Variants in NR2E3 observed in about 807,000 individuals in gnomAD.
NR2E3 encodes the protein nuclear receptor subfamily 2 group E member 3.
NR2E3 carries 38 observed loss-of-function variants against 37.6 expected under a neutral mutation model. The observed-to-expected ratio is 1.01, with a 90% CI of 0.78 to 1.33. The LOEUF is 1.33. Among genes scored for constraint, NR2E3 ranks in the 40% most tolerant of loss-of-function variants. NR2E3 has a pLI of 0.00. For synonymous variants in NR2E3, 235 were observed against 225.1 expected (o/e 1.04, Z -0.39); for missense variants, 562 against 558.7 (o/e 1.01, Z -0.06).
Position 71,811,894 on chromosome 15 carries a change from G to T in NR2E3, c.349+25G>T. ...GGTGAGGCGGGGGCTGGCCCGGGGG[G>T]AGGTGACAAGAAATGGGCAGCGGGA... On this transcript the variant is annotated intron_variant, in intron 3 of 7. Coordinates refer to ENST00000617575, the MANE Select transcript of NR2E3 (RefSeq NM_014249.4). This position sits in a 1 kb window ranked among gnomAD's most constrained non-coding sequence, Gnocchi z 5.6. The T allele has an allele frequency of 6.5e-7, 1 of 1,550,148 alleles. No homozygotes were observed. Among genetic ancestry groups the T allele is most frequent in the Non-Finnish European group, 8.7e-7 (1 of 1,146,514 alleles).
chr15:71,813,330 C>G lies in NR2E3; in HGVS notation c.748-59C>G. ...GGTGCCTGAGATGGTGGCAGAGGCT[C>G]CAGACTGAGCCAGAGAAGCTGTGTG... On this transcript the variant is annotated intron_variant, in intron 5 of 7. Coordinates refer to ENST00000617575, the MANE Select transcript of NR2E3 (RefSeq NM_014249.4). The surrounding 1 kb of genome is among the most constrained non-coding windows in gnomAD (Gnocchi z 4.7). 3 of 1,577,546 alleles carry G rather than the reference C, an allele frequency of 1.9e-6. No individual in the cohort carries two copies. The highest frequency in any genetic ancestry group is 2.6e-6 in the Non-Finnish European group (3 of 1,163,222).
Position 71,810,728 on chromosome 15 carries a change from G to A in NR2E3, c.-16G>A, listed in dbSNP as rs369493844. On this transcript the variant is annotated 5_prime_UTR_variant, in exon 1 of 8. Coordinates refer to ENST00000617575, the MANE Select transcript of NR2E3 (RefSeq NM_014249.4). ...CCCAGGCCTCCCGCAGGCAGGCAGA[G>A]GCTGCCCTGTAACCCATGGAGACCA... 2.4e-5 allele frequency: 38 copies of A among 1,557,984 alleles called. No homozygotes were observed. Among genetic ancestry groups the A allele is most frequent in the Admixed American group, 7.7e-5 (4 of 51,716 alleles).
In NR2E3 at chr15:71,813,288, A is replaced by G; in HGVS notation, c.748-101A>G. ...GGAGAGCATTCTCGGGTCCCAGGACAGCACTTCCATTCCTTGGGTGCCTGA... is the reference window on the plus strand; with the variant it reads ...GGAGAGCATTCTCGGGTCCCAGGACGGCACTTCCATTCCTTGGGTGCCTGA... On this transcript the variant is annotated intron_variant, in intron 5 of 7. Transcript: ENST00000617575. The surrounding 1 kb of genome is among the most constrained non-coding windows in gnomAD (Gnocchi z 4.7). 3 of 1,490,686 alleles carry G rather than the reference A, an allele frequency of 2.0e-6. No individual in the cohort carries two copies. Among genetic ancestry groups the G allele is most frequent in the South Asian group, 2.5e-5 (2 of 81,538 alleles). The allele number at this position is 1,490,686 out of a possible 1,614,324, so 92.3% of individuals were successfully genotyped here. A position where few individuals can be genotyped will look rare whatever the true frequency, so the allele number is the denominator to read the frequency against.
At chr15:71,816,461 C>A (rs187541337) in intron 7 of NR2E3, among the ~76,000 whole-genome samples, 2 of 151,964 alleles carry the variant, frequency 1.3e-5, no homozygotes, top group Non-Finnish European at 2.9e-5. Flanking sequence ...GGGGTTTCAC[C>A]GCATTAGCCA....
chr15:71,812,403 C>T lies in NR2E3; in HGVS notation c.639C>T (p.Ser213=), dbSNP rs2140290007. 1.2e-6 allele frequency: 2 copies of T among 1,614,016 alleles called. No homozygotes were observed. The highest frequency in any genetic ancestry group is 1.7e-6 in the Non-Finnish European group (2 of 1,179,886). The change falls in exon 5 of 8, where the codon TCC becomes TCT. Residue 213 remains serine, a synonymous_variant. Coordinates refer to ENST00000617575, the MANE Select transcript of NR2E3 (RefSeq NM_014249.4). The stretch of plus-strand genomic sequence containing the variant: ...CCTCCTCTCCATACTCCTCTTCCTC[C>T]CCCTGCGGCCTGGACAGCATCCATG... ...EFPSSPYSSS[S]PCGLDSIHET... is the part of the protein sequence containing the mutation.
At position 71,812,118 on chromosome 15, in the gene NR2E3, C is replaced by G; in HGVS notation, c.513C>G (p.His171Gln). The change falls in exon 4 of 8, where the codon CAC (histidine) becomes CAG (glutamine). Residue 171 changes from histidine to glutamine, a missense_variant. By Grantham distance (24) the His-to-Gln change is conservative. Coordinates refer to ENST00000617575, the MANE Select transcript of NR2E3 (RefSeq NM_014249.4). ...TGTCTGCAGCCAGAGCCCTGGGCCACCACTTCATGGCCAGCCTTATAACAG... is the reference window on the plus strand; with the variant it reads ...TGTCTGCAGCCAGAGCCCTGGGCCAGCACTTCATGGCCAGCCTTATAACAG... ...TPMSAARALG[H>Q]HFMASLITAE... 3 of 1,558,994 alleles carry G rather than the reference C, an allele frequency of 1.9e-6. No individual in the cohort carries two copies. Among genetic ancestry groups the G allele is most frequent in the South Asian group, 2.4e-5 (2 of 84,776 alleles).
chr15:71,811,745 G>C lies in NR2E3; in HGVS notation c.246-21G>C. ...GGCATGGGAGGGACACTGACCCCTG[G>C]GGTCTCCTCTTCACCTGCAGGTGCC... On this transcript the variant is annotated intron_variant, in intron 2 of 7. Transcript: ENST00000617575. The surrounding 1 kb of genome is among the most constrained non-coding windows in gnomAD (Gnocchi z 5.6). 1 of 1,549,538 alleles carries C rather than the reference G, an allele frequency of 6.5e-7. No homozygotes were observed. The highest frequency in any genetic ancestry group is 1.4e-5 in the African/African-American group (1 of 73,108).
In NR2E3 at chr15:71,812,788, T is replaced by G. The variant is rs543880992; in HGVS notation, c.747+277T>G. ...CTAGGGACCTACAGGGCCCAGGGTC[T>G]TCTTAAGTTCTGGAAGACCCTCAGG... On this transcript the variant is annotated intron_variant, in intron 5 of 7. Coordinates refer to ENST00000617575, the MANE Select transcript of NR2E3 (RefSeq NM_014249.4). Among the ~76,000 whole-genome samples the G allele has an allele frequency of 2.6e-5, 4 of 152,264 alleles. No individual in the cohort carries two copies. In the South Asian group the frequency reaches 8.3e-4, roughly 32 times the overall value.
intron 7 of NR2E3, among the ~76,000 whole-genome samples, chr15:71,815,119 G>A (rs576730314): frequency 4.9e-4 from 74 of 152,262 alleles, no homozygotes; most frequent in African/African-American, 1.7e-3. Context: ...GGCAGGAGCC[G>A]GTGCTCTGGG....
At chr15:71,812,235 C>T (rs1395079409) in intron 4 of NR2E3, 59 bp downstream of exon 4, 2 of 1,606,384 alleles carry the variant, frequency 1.2e-6, no homozygotes, top group African/African-American at 2.7e-5. Flanking sequence ...CACAGCAGGG[C>T]TGCAGCGCCT....
intron 7 of NR2E3, among the ~76,000 whole-genome samples, chr15:71,816,039 T>C (rs145236997): frequency 2.0e-5 from 3 of 152,096 alleles, no homozygotes; most frequent in African/African-American, 7.2e-5. Flanking sequence ...AGGCCTTAGG[T>C]TGGCAAAGCA....
chr15:71,817,090 TTTTC>T (rs1369557363), intron 7 of NR2E3, among the ~76,000 whole-genome samples: 1 of 145,426 alleles, frequency 6.9e-6, no homozygotes, highest in Non-Finnish European at 1.5e-5. Context: ...TTAATGCGGC[TTTTC>T]TTTTTTCTTT....
rs1219127792 is a variant in NR2E3 at position 71,813,450 on chromosome 15, T to C, written c.809T>C (p.Leu270Pro). The C allele has an allele frequency of 6.2e-7, 1 of 1,610,364 alleles. No homozygotes were observed. Among genetic ancestry groups the C allele is most frequent in the East Asian group, 2.2e-5 (1 of 44,766 alleles). Residue 270 changes from leucine to proline, a missense_variant, in exon 6 of 8, where the codon CTG becomes CCG. Physicochemically the swap from Leu to Pro is moderately conservative, Grantham distance 98. Transcript: ENST00000617575. The surrounding 1 kb of genome is among the most constrained non-coding windows in gnomAD (Gnocchi z 4.7). ...CTCCTCGGGGCCATCCAGTGGTCTC[T>C]GCCTCTGGACAGCTGTCCTCTGCTG... ...LFLLGAIQWS[L>P]PLDSCPLLAP...
At chr15:71,814,516 G>C (rs879077305) in intron 7 of NR2E3, 1 of 1,006,902 alleles carries the variant, frequency 9.9e-7, no homozygotes, top group Non-Finnish European at 1.2e-6. Context: ...TGCAAAGGGA[G>C]AGAGGGGCAA....
rs1019157893 is a variant in NR2E3, at chr15:71,811,155, G to A, written c.118+294G>A. On this transcript the variant is annotated intron_variant, in intron 1 of 7. Coordinates refer to ENST00000617575, the MANE Select transcript of NR2E3 (RefSeq NM_014249.4). The surrounding 1 kb of genome is among the most constrained non-coding windows in gnomAD (Gnocchi z 5.6). The stretch of plus-strand genomic sequence containing the variant: ...TAACAGCACAGAGGTCCCTAGTGGC[G>A]TTGACAAGAATGTTTCTGTGGGATG... Among the ~76,000 whole-genome samples the A allele has an allele frequency of 4.6e-5, 7 of 152,152 alleles. No homozygotes were observed. Among genetic ancestry groups the A allele is most frequent in the South Asian group, 2.1e-4 (1 of 4,834 alleles).
At chr15:71,815,533 C>T (rs1156290534) in intron 7 of NR2E3, among the ~76,000 whole-genome samples, 1 of 152,178 alleles carries the variant, frequency 6.6e-6, no homozygotes, top group Non-Finnish European at 1.5e-5. Context: ...CAGAGATGTC[C>T]TGGCATATTG....
rs2054174918 is a variant in NR2E3 at position 71,811,090 on chromosome 15, C to A, written c.118+229C>A. Among the ~76,000 whole-genome samples the A allele has an allele frequency of 6.6e-6, 1 of 152,040 alleles. No individual in the cohort carries two copies. The highest frequency in any genetic ancestry group is 6.5e-5 in the Admixed American group (1 of 15,270). ...GCAGAGCCAGGACAGGACAGCCTAG[C>A]CGATGGGGAAGGAAAGAACAGAGAA... On this transcript the variant is annotated intron_variant, in intron 1 of 7. Coordinates refer to ENST00000617575, the MANE Select transcript of NR2E3 (RefSeq NM_014249.4). The surrounding 1 kb of genome is among the most constrained non-coding windows in gnomAD (Gnocchi z 5.6).
rs35004053 is a variant in NR2E3, at chr15:71,814,112, C to G, written c.1095C>G (p.Pro365=). 24 of 1,610,130 alleles carry G rather than the reference C, an allele frequency of 1.5e-5. No individual in the cohort carries two copies. The highest frequency in any genetic ancestry group is 2.0e-5 in the Non-Finnish European group (24 of 1,179,718). The stretch of plus-strand genomic sequence containing the variant: ...GCAAGGCCCACCACCCCAGCCAGCC[C>G]GTGAGGTGACCTGAGCATGCGCCCA... The part of the protein sequence containing the change: ...QHSKAHHPSQ[P]VRFGKLLLLL... The change falls in exon 7 of 8, where the codon CCC becomes CCG. Residue 365 remains proline, a synonymous_variant. Coordinates refer to ENST00000617575, the MANE Select transcript of NR2E3 (RefSeq NM_014249.4).
Position 71,817,467 on chromosome 15 carries a change from C to T in NR2E3, c.1101-85C>T, listed in dbSNP as rs545419815. ...ACCTCATCTCTCCTCTCCTTCCTCC[C>T]CTCCCTTTCCTGGGAGGGCACCGCC... On this transcript the variant is annotated intron_variant, in intron 7 of 7. Coordinates refer to ENST00000617575, the MANE Select transcript of NR2E3 (RefSeq NM_014249.4). 177 of 1,481,074 alleles carry T rather than the reference C, an allele frequency of 1.2e-4. 4 individuals carry two copies. In the South Asian group the frequency reaches 2.6e-3, roughly 22 times the overall value. The allele number at this position is 1,481,074 out of a possible 1,614,324, so 91.7% of individuals were successfully genotyped here.
Sources: gnomAD v4.1 joint callset for allele counts (sites outside exome capture counted in the v4.1 genomes callset) on GRCh38, gnomAD v4.1.1 for gene constraint, Gnocchi (gnomAD v3.1) non-coding constraint, MANE v1.5 for transcripts, NCBI Gene and HGNC (gene_info 2026-07-23, HGNC 2026-07-21) for gene names.